Variants in IL1RAPL1 observed in about 807,000 individuals in gnomAD.
IL1RAPL1 encodes the protein interleukin-1 receptor accessory protein-like 1.
IL1RAPL1 carries 3 observed loss-of-function variants against 48.4 expected under a neutral mutation model. That is an observed-to-expected ratio of 0.06 (90% CI 0.03 to 0.16). The LOEUF is 0.16. Among genes scored for constraint, IL1RAPL1 ranks in the 10% least tolerant of loss-of-function variants. The pLI, the probability that IL1RAPL1 is intolerant of heterozygous loss-of-function variation, is 1.00. For missense variants in IL1RAPL1, 349 were observed against 530.6 expected (o/e 0.66, Z 3.36); for synonymous variants, 185 against 187.7 (o/e 0.99, Z 0.12).
At chrX:29,833,522 A>G (rs144213141) in intron 6 of IL1RAPL1, among the ~76,000 whole-genome samples, 3 of 111,454 alleles carry the variant, frequency 2.7e-5, no homozygotes, top group Admixed American at 1.9e-4. Context: ...TAGGCAGCCC[A>G]TGCTACTCTG....
intron 2 of IL1RAPL1, among the ~76,000 whole-genome samples, chrX:29,261,844 C>G (rs1481477193): frequency 2.7e-5 from 3 of 111,350 alleles, no homozygotes; most frequent in African/African-American, 9.8e-5. Context: ...AAGTGGCTAT[C>G]CTTCGCTTGC....
At chrX:28,737,199 TTCTTTC>T (rs1191500392) in intron 1 of IL1RAPL1, among the ~76,000 whole-genome samples, 2,377 of 84,143 alleles carry the variant, frequency 0.028, 65 homozygotes, top group African/African-American at 0.037. Context: ...TTCTCTTTCT[TTCTTTC>T]TCTTTCTTTC....
intron 6 of IL1RAPL1, among the ~76,000 whole-genome samples, chrX:29,762,259 C>G (rs1037102958): frequency 8.9e-6 from 1 of 111,800 alleles, no homozygotes; most frequent in African/African-American, 3.2e-5. Context: ...AATGCTAACC[C>G]TGCTCCTTAA....
chrX:29,571,244 A>G (rs1444771252), intron 5 of IL1RAPL1, among the ~76,000 whole-genome samples: 3 of 110,628 alleles, frequency 2.7e-5, no homozygotes, highest in Non-Finnish European at 5.7e-5. Context: ...AATAATAATA[A>G]TTTGTCTAAA....
At chrX:28,683,705 G>A (rs1278766379) in intron 1 of IL1RAPL1, among the ~76,000 whole-genome samples, 1 of 112,249 alleles carries the variant, frequency 8.9e-6, no homozygotes, top group Non-Finnish European at 1.9e-5. Flanking sequence ...TAAAATCAAG[G>A]TATTGGTAGG....
intron 3 of IL1RAPL1, among the ~76,000 whole-genome samples, chrX:29,370,317 T>C (rs924100712): frequency 1.0e-5 from 1 of 98,153 alleles, no homozygotes; most frequent in Non-Finnish European, 2.1e-5. Flanking sequence ...CCAGCTTCTT[T>C]TGTTGCCATT....
chrX:28,768,753 C>CTATATA (rs1190280943), intron 1 of IL1RAPL1, among the ~76,000 whole-genome samples: 377 of 53,348 alleles, frequency 7.1e-3, no homozygotes, highest in Non-Finnish European at 8.7e-3. Flanking sequence ...CTCTCTCTCT[C>CTATATA]TCTATATATA....
In IL1RAPL1 at chrX:28,851,563, G is replaced by A. The variant is rs1050218861; in HGVS notation, c.82+62138G>A. On this transcript the variant is annotated intron_variant, in intron 2 of 10. Coordinates refer to ENST00000378993, the MANE Select transcript of IL1RAPL1 (RefSeq NM_014271.4). Reference sequence around the variant, plus strand: ...CATCTGAGAATGCTGATTTTATAATGTCAACTTTAAATCTGGAGAATCTCT... The same window carrying A: ...CATCTGAGAATGCTGATTTTATAATATCAACTTTAAATCTGGAGAATCTCT... 2.7e-5 allele frequency among the ~76,000 whole-genome samples: 3 copies of A among 111,589 alleles called. No individual in the cohort carries two copies. The East Asian group carries it at 8.5e-4, about 32-fold the overall frequency.
intron 6 of IL1RAPL1, among the ~76,000 whole-genome samples, chrX:29,847,090 C>T (rs1931265915): frequency 9.0e-6 from 1 of 111,264 alleles, no homozygotes; most frequent in Non-Finnish European, 1.9e-5. Context: ...CATTTCACAC[C>T]CCTTTCAAGG....
At position 29,840,914 on chromosome X, in the gene IL1RAPL1, A is replaced by T. The variant is rs183083503; in HGVS notation, c.779-76550A>T. 3.2e-3 allele frequency among the ~76,000 whole-genome samples: 359 copies of T among 112,186 alleles called. 1 individual carries two copies. The highest frequency in any genetic ancestry group is 0.011 in the African/African-American group (351 of 30,954). On this transcript the variant is annotated intron_variant, in intron 6 of 10. Coordinates refer to ENST00000378993, the MANE Select transcript of IL1RAPL1 (RefSeq NM_014271.4). ...ATTCCAATGAATAATCCAATAACCA[A>T]TGAATTCCTAATAGCAACATTAATA...
intron 3 of IL1RAPL1, among the ~76,000 whole-genome samples, chrX:29,284,616 G>A (rs763309443): frequency 4.5e-4 from 50 of 111,605 alleles, no homozygotes; most frequent in African/African-American, 1.4e-3. Flanking sequence ...ATGGTGGCAC[G>A]TGCCTGTGAT....
At chrX:29,673,943 A>C (rs1026588675) in intron 6 of IL1RAPL1, among the ~76,000 whole-genome samples, 7 of 112,130 alleles carry the variant, frequency 6.2e-5, no homozygotes, top group African/African-American at 2.3e-4. Flanking sequence ...ACAGATGATA[A>C]ATCAATAAAT....
At chrX:29,335,122 C>G (rs1386755062) in intron 3 of IL1RAPL1, among the ~76,000 whole-genome samples, 1 of 110,607 alleles carries the variant, frequency 9.0e-6, no homozygotes, top group Admixed American at 9.5e-5. Context: ...AAAAAAAAAA[C>G]GAAAACCAGT....
chrX:28,775,968 A>G (rs1443941511), intron 1 of IL1RAPL1, among the ~76,000 whole-genome samples: 1 of 112,176 alleles, frequency 8.9e-6, no homozygotes, highest in Non-Finnish European at 1.9e-5. Flanking sequence ...CATAATGTGT[A>G]TTAACTGACA....
chrX:29,253,881 C>T (rs1046293549), intron 2 of IL1RAPL1, among the ~76,000 whole-genome samples: 3 of 111,191 alleles, frequency 2.7e-5, no homozygotes, highest in African/African-American at 9.8e-5. Flanking sequence ...TGAAAAATGG[C>T]AAGCATTTAA....
chrX:29,552,640 C>A (rs1217082405), intron 5 of IL1RAPL1, among the ~76,000 whole-genome samples: 1 of 110,815 alleles, frequency 9.0e-6, no homozygotes, highest in African/African-American at 3.3e-5. Flanking sequence ...TGTCTACTGG[C>A]CAGGATTTAT....
chrX:29,471,412 C>T (rs1480070387), intron 5 of IL1RAPL1, among the ~76,000 whole-genome samples: 1 of 111,203 alleles, frequency 9.0e-6, no homozygotes, highest in African/African-American at 3.3e-5. Flanking sequence ...TTTCATAGAA[C>T]TGGGTTTTAG....
intron 1 of IL1RAPL1, among the ~76,000 whole-genome samples, chrX:28,700,821 G>T (rs979898997): frequency 1.8e-5 from 2 of 110,888 alleles, no homozygotes; most frequent in African/African-American, 6.6e-5. Context: ...TTCTGTTCCT[G>T]TGTTAGTTTG....
intron 2 of IL1RAPL1, among the ~76,000 whole-genome samples, chrX:29,077,690 A>G (rs1057042461): frequency 1.8e-5 from 2 of 111,704 alleles, no homozygotes; most frequent in African/African-American, 6.5e-5. Context: ...ATACCAGACT[A>G]TAGTGAGAGC....
Sources: gnomAD v4.1 joint callset for allele counts (sites outside exome capture counted in the v4.1 genomes callset) on GRCh38, gnomAD v4.1.1 for gene constraint, MANE v1.5 for transcripts, NCBI Gene and HGNC (gene_info 2026-07-23, HGNC 2026-07-21) for gene names.